Variants in SLCO3A1 observed in about 807,000 individuals in gnomAD.
The protein encoded by SLCO3A1 is PGE1 transporter.
A neutral mutation model predicts 63.1 loss-of-function variants in SLCO3A1; 27 were observed. The observed-to-expected ratio is 0.43, with a 90% CI of 0.32 to 0.59. The LOEUF is 0.59. Among genes scored for constraint, SLCO3A1 ranks in the 20% least tolerant of loss-of-function variants. SLCO3A1 has a pLI of 0.09. For missense variants in SLCO3A1, 773 were observed against 945.8 expected (o/e 0.82, Z 2.40); for synonymous variants, 473 against 409.9 (o/e 1.15, Z -1.86).
intron 9 of SLCO3A1, among the ~76,000 whole-genome samples, chr15:92,160,149 T>G (rs2048419035): frequency 6.6e-6 from 1 of 152,058 alleles, no homozygotes; most frequent in Non-Finnish European, 1.5e-5. Flanking sequence ...GAGGAGCATT[T>G]GGGAGCTAAT....
At chr15:92,006,709 G>A (rs898988814) in intron 2 of SLCO3A1, among the ~76,000 whole-genome samples, 1 of 152,138 alleles carries the variant, frequency 6.6e-6, no homozygotes, top group East Asian at 1.9e-4. Flanking sequence ...TTCAAAACTA[G>A]ATTTCCAGTG....
In SLCO3A1 at chr15:91,954,843, G is replaced by A. The variant is rs148195374; in HGVS notation, c.646+38385G>A. Among the ~76,000 whole-genome samples the A allele has an allele frequency of 3.8e-3, 573 of 152,122 alleles. 1 individual carries two copies. The highest frequency in any genetic ancestry group is 0.013 in the African/African-American group (541 of 41,486). On this transcript the variant is annotated intron_variant, in intron 2 of 9. Transcript: ENST00000318445. This position sits in a 1 kb window ranked among gnomAD's most constrained non-coding sequence, Gnocchi z 4.7. ...GACACCATACCCTGAACCGCCCCCCGTGGTCTCCCGCTGCTTTCTGCCACT... is the reference window on the plus strand; with the variant it reads ...GACACCATACCCTGAACCGCCCCCCATGGTCTCCCGCTGCTTTCTGCCACT...
At chr15:92,087,380 A>G (rs1423251593) in intron 2 of SLCO3A1, among the ~76,000 whole-genome samples, 1 of 152,194 alleles carries the variant, frequency 6.6e-6, no homozygotes, top group African/African-American at 2.4e-5. Flanking sequence ...CCCAACAGGG[A>G]AAGTCTTGAC....
intron 2 of SLCO3A1, among the ~76,000 whole-genome samples, chr15:92,008,581 C>A (rs906597299): frequency 4.6e-5 from 7 of 152,196 alleles, no homozygotes; most frequent in African/African-American, 1.4e-4. Context: ...CATCTAGATT[C>A]ATTTTTACAG....
rs1252223909 is a variant in SLCO3A1, at chr15:91,941,640, T to C, written c.646+25182T>C. On this transcript the variant is annotated intron_variant, in intron 2 of 9. Coordinates refer to ENST00000318445, the MANE Select transcript of SLCO3A1 (RefSeq NM_013272.4). This position sits in a 1 kb window ranked among gnomAD's most constrained non-coding sequence, Gnocchi z 4.4. ...GAAGCTTCTAATCTCCCATGGGTTT[T>C]GTACTTTTTCTTACTCGGGATGTTT... 2 of 421,500 alleles carry C rather than the reference T, an allele frequency of 4.7e-6. No individual in the cohort carries two copies. Among genetic ancestry groups the C allele is most frequent in the Non-Finnish European group, 9.3e-6 (2 of 214,024 alleles). The allele number at this position is 421,500 out of a possible 1,614,324, so 26.1% of individuals were successfully genotyped here.
intron 2 of SLCO3A1, among the ~76,000 whole-genome samples, chr15:92,007,576 G>A (rs1459500404): frequency 6.6e-6 from 1 of 152,170 alleles, no homozygotes; most frequent in African/African-American, 2.4e-5. Context: ...GTACTAGAAT[G>A]GCCTTGCATA....
rs561278572 is a variant in SLCO3A1 at position 91,872,463 on chromosome 15, C to T, written c.180+18375C>T. Among the ~76,000 whole-genome samples the T allele has an allele frequency of 6.6e-6, 1 of 151,510 alleles. No homozygotes were observed. The highest frequency in any genetic ancestry group is 1.9e-4 in the East Asian group (1 of 5,134). Reference sequence around the variant, plus strand: ...AGGAGAATCACTTGAACCCGGGAGGCGGATAGGTTGCAGTGAGCCGAGACC... The same window carrying T: ...AGGAGAATCACTTGAACCCGGGAGGTGGATAGGTTGCAGTGAGCCGAGACC... On this transcript the variant is annotated intron_variant, in intron 1 of 9. Coordinates refer to ENST00000318445, the MANE Select transcript of SLCO3A1 (RefSeq NM_013272.4). The surrounding 1 kb of genome is among the most constrained non-coding windows in gnomAD (Gnocchi z 4.1).
At chr15:91,958,613 G>C (rs1900325228) in intron 2 of SLCO3A1, among the ~76,000 whole-genome samples, 1 of 152,092 alleles carries the variant, frequency 6.6e-6, no homozygotes, top group Admixed American at 6.5e-5. Flanking sequence ...ACATTAATTT[G>C]GTGTTAGGCA....
In SLCO3A1 at chr15:92,121,732, T is replaced by G. The variant is rs577624659; in HGVS notation, c.1174+1103T>G. On this transcript the variant is annotated intron_variant, in intron 5 of 9. Coordinates refer to ENST00000318445, the MANE Select transcript of SLCO3A1 (RefSeq NM_013272.4). Reference sequence around the variant, plus strand: ...ACCCCAACCTGAAGAAATAGAGGAGTCTGCAGAGAAATTTAAGCAACAGCA... The same window carrying G: ...ACCCCAACCTGAAGAAATAGAGGAGGCTGCAGAGAAATTTAAGCAACAGCA... Among the ~76,000 whole-genome samples the G allele has an allele frequency of 1.1e-4, 16 of 151,366 alleles. No homozygotes were observed. In the East Asian group the frequency reaches 2.5e-3, roughly 24 times the overall value.
chr15:91,957,257 A>G (rs1900274426), intron 2 of SLCO3A1, among the ~76,000 whole-genome samples: 1 of 140,226 alleles, frequency 7.1e-6, no homozygotes, highest in African/African-American at 2.7e-5. Flanking sequence ...ACAGGCATGA[A>G]CCACCGGACC....
rs558750669 is a variant in SLCO3A1, at chr15:91,885,764, G to A, written c.181-30229G>A. 2.6e-5 allele frequency among the ~76,000 whole-genome samples: 4 copies of A among 152,306 alleles called. No homozygotes were observed. The South Asian group carries it at 8.3e-4, about 32-fold the overall frequency. ...TCGCCTTCCCCTCCCCTATTTTTAT[G>A]GCTGCTAACAAATCGGCTGGACCTT... is the stretch of plus-strand genomic sequence containing the variant. On this transcript the variant is annotated intron_variant, in intron 1 of 9. Transcript: ENST00000318445. The surrounding 1 kb of genome is among the most constrained non-coding windows in gnomAD (Gnocchi z 4.7).
rs749535433 is a variant in SLCO3A1, at chr15:92,151,069, G to A, written c.1753+55G>A. The stretch of plus-strand genomic sequence containing the variant: ...ATGAATTGGATGCTTATTACTAGGT[G>A]AGTAACTGTCAGTCAAATTATCCCA... On this transcript the variant is annotated intron_variant, in intron 9 of 9. Transcript: ENST00000318445. The A allele has an allele frequency of 6.7e-6, 8 of 1,194,992 alleles. No homozygotes were observed. The East Asian group carries it at 1.4e-4, about 21-fold the overall frequency. The allele number at this position is 1,194,992 out of a possible 1,614,324, so 74.0% of individuals were successfully genotyped here.
chr15:92,095,055 G>A, intron 3 of SLCO3A1, 76 bp downstream of exon 3: 1 of 1,006,808 alleles, frequency 9.9e-7, no homozygotes, highest in Non-Finnish European at 1.6e-6. Flanking sequence ...CAGCCTGTGG[G>A]TTCTAAAACC....
chr15:92,107,793 G>C (rs142108888), intron 4 of SLCO3A1, among the ~76,000 whole-genome samples: 178 of 152,338 alleles, frequency 1.2e-3, no homozygotes, highest in Non-Finnish European at 2.2e-3. Flanking sequence ...CCTGCTTCTA[G>C]GAGAGAAGGG....
chr15:92,101,649 G>C (rs1394596564), intron 3 of SLCO3A1, among the ~76,000 whole-genome samples: 1 of 152,208 alleles, frequency 6.6e-6, no homozygotes, highest in African/African-American at 2.4e-5. Context: ...CTCCACAGCT[G>C]AGCAGTTTCT....
At chr15:92,012,326 T>C (rs1003966829) in intron 2 of SLCO3A1, among the ~76,000 whole-genome samples, 1 of 152,216 alleles carries the variant, frequency 6.6e-6, no homozygotes, top group Non-Finnish European at 1.5e-5. Flanking sequence ...CTCAGCTTTC[T>C]TGGGCTTTTC....
intron 2 of SLCO3A1, among the ~76,000 whole-genome samples, chr15:91,996,608 A>G (rs539216902): frequency 2.0e-5 from 3 of 152,180 alleles, no homozygotes; most frequent in African/African-American, 7.2e-5. Flanking sequence ...ATTAAAAATT[A>G]TAGTAATTAA....
chr15:91,879,011 A>G (rs1026762255), intron 1 of SLCO3A1, among the ~76,000 whole-genome samples: 34 of 152,206 alleles, frequency 2.2e-4, no homozygotes, highest in Admixed American at 3.3e-4. Flanking sequence ...CAACATATCT[A>G]TGAAGTACGT....
intron 7 of SLCO3A1, among the ~76,000 whole-genome samples, chr15:92,144,805 C>A (rs2238349): frequency 0.68 from 102,800 of 152,042 alleles, 35,255 homozygotes; most frequent in African/African-American, 0.8. Context: ...AAGCCAGCAC[C>A]GGCACTCGTT....
Sources: allele counts gnomAD v4.1 joint callset (sites outside exome capture counted in the v4.1 genomes callset), GRCh38; gene constraint gnomAD v4.1.1; non-coding constraint Gnocchi (gnomAD v3.1); transcripts MANE v1.5; gene names NCBI Gene and HGNC (gene_info 2026-07-23, HGNC 2026-07-21).